The following RCAN2 variants were observed in gnomAD, a reference collection of about 807,000 sequenced individuals.
The protein encoded by RCAN2 is calcipressin-2.
A neutral mutation model predicts 23.6 loss-of-function variants in RCAN2; 9 were observed. The observed-to-expected ratio is 0.38, with a 90% CI of 0.23 to 0.67. The LOEUF is 0.67. Among genes scored for constraint, RCAN2 ranks in the 30% least tolerant of loss-of-function variants. The pLI, the probability that RCAN2 is intolerant of heterozygous loss-of-function variation, is 0.51. For missense variants in RCAN2, 273 were observed against 302.3 expected (o/e 0.90, Z 0.72); for synonymous variants, 109 against 115.7 (o/e 0.94, Z 0.37).
intron 2 of RCAN2, among the ~76,000 whole-genome samples, chr6:46,407,414 G>A (rs902274567): frequency 6.6e-6 from 1 of 152,190 alleles, no homozygotes; most frequent in East Asian, 1.9e-4. Context: ...CAGTGATGAT[G>A]TAAACATTTT....
At chr6:46,305,705 C>T (rs1284004632) in intron 2 of RCAN2, among the ~76,000 whole-genome samples, 2 of 152,036 alleles carry the variant, frequency 1.3e-5, no homozygotes, top group African/African-American at 2.4e-5. Context: ...ACCTGAGATT[C>T]TCTGTTAGCC....
chr6:46,389,533 C>G (rs1464667487), intron 2 of RCAN2, among the ~76,000 whole-genome samples: 1 of 152,214 alleles, frequency 6.6e-6, no homozygotes, highest in Non-Finnish European at 1.5e-5. Flanking sequence ...TGCCTATCAG[C>G]TCCTCCAGGG....
At position 46,348,557 on chromosome 6, in the gene RCAN2, T is replaced by C. The variant is rs1483482101; in HGVS notation, c.226-99661A>G. Among the ~76,000 whole-genome samples the C allele has an allele frequency of 2.6e-5, 4 of 152,164 alleles. No individual in the cohort carries two copies. The East Asian group carries it at 7.7e-4, about 29-fold the overall frequency. The stretch of plus-strand genomic sequence containing the variant: ...TTAGACCTTGGTGCTGGAGCCCTGA[T>C]CATTCTGTCTATGGGAATCAGGGTT... On this transcript the variant is annotated intron_variant, in intron 2 of 4. Transcript: ENST00000371374.
chr6:46,373,729 A>G (rs1442385078), intron 2 of RCAN2, among the ~76,000 whole-genome samples: 1 of 152,216 alleles, frequency 6.6e-6, no homozygotes, highest in African/African-American at 2.4e-5. Flanking sequence ...AGTAGCAAAC[A>G]TAACAGAGTC....
At chr6:46,302,334 C>T (rs1408559160) in intron 2 of RCAN2, among the ~76,000 whole-genome samples, 2 of 152,050 alleles carry the variant, frequency 1.3e-5, no homozygotes, top group Non-Finnish European at 2.9e-5. Context: ...CTATATTAGA[C>T]ATCAAGCGAT....
intron 2 of RCAN2, among the ~76,000 whole-genome samples, chr6:46,385,613 T>G (rs945887004): frequency 2.0e-5 from 3 of 152,038 alleles, no homozygotes. Context: ...TCCCAGCACT[T>G]TGGGAGGCCG....
intron 2 of RCAN2, among the ~76,000 whole-genome samples, chr6:46,381,708 C>T (rs995477725): frequency 6.6e-6 from 1 of 152,154 alleles, no homozygotes; most frequent in Non-Finnish European, 1.5e-5. Context: ...GGCCACAGTC[C>T]AGTGCTTAAC....
At chr6:46,455,999 C>T (rs1346486312) in intron 2 of RCAN2, among the ~76,000 whole-genome samples, 2 of 151,924 alleles carry the variant, frequency 1.3e-5, no homozygotes, top group African/African-American at 4.8e-5. Context: ...AGGTTTAATC[C>T]ATTTAGATAC....
At chr6:46,385,497 G>A (rs1184370056) in intron 2 of RCAN2, among the ~76,000 whole-genome samples, 1 of 152,168 alleles carries the variant, frequency 6.6e-6, no homozygotes. Context: ...CTAGCCATAA[G>A]CAGAAAACCG....
At chr6:46,481,895 A>C (rs1768869743) in intron 1 of RCAN2, among the ~76,000 whole-genome samples, 1 of 152,228 alleles carries the variant, frequency 6.6e-6, no homozygotes. Context: ...CAACCCTAGG[A>C]TAAAGAAAGA....
intron 2 of RCAN2, among the ~76,000 whole-genome samples, chr6:46,269,956 A>C (rs558672532): frequency 3.9e-4 from 60 of 152,264 alleles, no homozygotes; most frequent in Admixed American, 1.1e-3. Flanking sequence ...TGGCCCTGGG[A>C]GGTGATGCCA....
intron 2 of RCAN2, among the ~76,000 whole-genome samples, chr6:46,326,233 AGTAAC>A (rs1336656780): frequency 6.6e-6 from 1 of 152,244 alleles, no homozygotes; most frequent in African/African-American, 2.4e-5. Flanking sequence ...AGTGCAGACC[AGTAAC>A]GCTAAGAGCA....
intron 1 of RCAN2, among the ~76,000 whole-genome samples, chr6:46,473,822 T>A (rs939982809): frequency 6.6e-6 from 1 of 152,224 alleles, no homozygotes; most frequent in East Asian, 1.9e-4. Context: ...GCACTCTTCA[T>A]ATAAACTCTC....
chr6:46,310,186 T>C (rs1763209644), intron 2 of RCAN2, among the ~76,000 whole-genome samples: 1 of 152,114 alleles, frequency 6.6e-6, no homozygotes, highest in South Asian at 2.1e-4. Context: ...TGCTTAAATA[T>C]GAAGTTAGTA....
At chr6:46,361,263 AGG>A (rs1417739416) in intron 2 of RCAN2, among the ~76,000 whole-genome samples, 1 of 152,184 alleles carries the variant, frequency 6.6e-6, no homozygotes, top group Non-Finnish European at 1.5e-5. Flanking sequence ...CAGAAATCAA[AGG>A]GGGAATGAAT....
intron 2 of RCAN2, among the ~76,000 whole-genome samples, chr6:46,437,265 C>A (rs1767401857): frequency 6.6e-6 from 1 of 152,188 alleles, no homozygotes; most frequent in Non-Finnish European, 1.5e-5. Context: ...AGTTCCAATA[C>A]AGTTTACAGT....
At chr6:46,337,495 G>A (rs1211389280) in intron 2 of RCAN2, among the ~76,000 whole-genome samples, 2 of 152,172 alleles carry the variant, frequency 1.3e-5, no homozygotes, top group Admixed American at 1.3e-4. Context: ...GCATTTAAAG[G>A]ATTTTAAAGT....
chr6:46,261,341 A>G (rs945092166), intron 2 of RCAN2, among the ~76,000 whole-genome samples: 109 of 152,220 alleles, frequency 7.2e-4, no homozygotes, highest in African/African-American at 2.5e-3. Context: ...CAGCTGTGCA[A>G]CCTTGAACAA....
chr6:46,242,420 T>A (rs192746745), intron 4 of RCAN2, among the ~76,000 whole-genome samples: 1 of 152,274 alleles, frequency 6.6e-6, no homozygotes, highest in East Asian at 1.9e-4. Context: ...TTAGCCCGAG[T>A]CCCATCTCAC....
Sources: gnomAD v4.1 joint callset for allele counts (sites outside exome capture counted in the v4.1 genomes callset) on GRCh38, gnomAD v4.1.1 for gene constraint, MANE v1.5 for transcripts, NCBI Gene and HGNC (gene_info 2026-07-23, HGNC 2026-07-21) for gene names.